Variants in CNTN5 observed in about 807,000 individuals in gnomAD.
CNTN5 encodes the protein contactin 5.
CNTN5 carries 77 observed loss-of-function variants against 129.1 expected under a neutral mutation model. That is an observed-to-expected ratio of 0.60 (90% CI 0.50 to 0.72). The LOEUF (loss-of-function observed/expected upper bound fraction) is 0.72. Among genes scored for constraint, CNTN5 ranks in the 30% least tolerant of loss-of-function variants. The pLI, the probability that CNTN5 is intolerant of heterozygous loss-of-function variation, is 0.00. For missense variants in CNTN5, 1,478 were observed against 1,328.8 expected (o/e 1.11, Z -1.75); for synonymous variants, 509 against 465.6 (o/e 1.09, Z -1.20).
chr11:99,452,894 A>G (rs868087879), intron 2 of CNTN5, among the ~76,000 whole-genome samples: 1 of 152,184 alleles, frequency 6.6e-6, no homozygotes, highest in Non-Finnish European at 1.5e-5. Context: ...ATATTTTCTC[A>G]TCTAATTCAT....
chr11:99,946,735 A>G (rs536230999), intron 7 of CNTN5, among the ~76,000 whole-genome samples: 1 of 152,004 alleles, frequency 6.6e-6, no homozygotes, highest in African/African-American at 2.4e-5. Flanking sequence ...CCACTCAATT[A>G]CTTTAAATAT....
Position 99,231,747 on chromosome 11 carries a change from G to A in CNTN5, c.-209-93599G>A, listed in dbSNP as rs115792681. Among the ~76,000 whole-genome samples, 408 of 152,202 alleles carry A rather than the reference G, an allele frequency of 2.7e-3. 2 individuals carry two copies. Among genetic ancestry groups the A allele is most frequent in the African/African-American group, 9.5e-3 (394 of 41,534 alleles). On this transcript the variant is annotated intron_variant, in intron 1 of 24. Coordinates refer to ENST00000524871, the MANE Select transcript of CNTN5 (RefSeq NM_014361.4). ...CTGTGCCTATGTCCTGATTAGTATT[G>A]CGTAGATTTTCTTCTAGGGTTTATA...
At chr11:100,232,800 G>T (rs1238104284) in intron 16 of CNTN5, among the ~76,000 whole-genome samples, 2 of 152,166 alleles carry the variant, frequency 1.3e-5, no homozygotes, top group African/African-American at 4.8e-5. Flanking sequence ...TGTTACCCAT[G>T]TATGAGCAGC....
rs907756409 is a variant in CNTN5 at position 100,104,144 on chromosome 11, G to C, written c.1580+29850G>C. Reference sequence around the variant, plus strand: ...GAGTCTTTCTCTGTCACCCAAGCTGGAATGCAGTAGTGAGATCTCCGCTCA... The same window carrying C: ...GAGTCTTTCTCTGTCACCCAAGCTGCAATGCAGTAGTGAGATCTCCGCTCA... On this transcript the variant is annotated intron_variant, in intron 13 of 24. Transcript: ENST00000524871. Among the ~76,000 whole-genome samples the C allele has an allele frequency of 4.7e-5, 7 of 149,400 alleles. No individual in the cohort carries two copies. The South Asian group carries it at 1.5e-3, about 31-fold the overall frequency.
At chr11:99,417,639 G>A (rs1942717753) in intron 2 of CNTN5, among the ~76,000 whole-genome samples, 1 of 152,004 alleles carries the variant, frequency 6.6e-6, no homozygotes, top group South Asian at 2.1e-4. Flanking sequence ...ATAAAAGGCT[G>A]AGTTGAAGAA....
At chr11:99,949,471 G>A (rs1438341573) in intron 7 of CNTN5, among the ~76,000 whole-genome samples, 1 of 152,080 alleles carries the variant, frequency 6.6e-6, no homozygotes, top group African/African-American at 2.4e-5. Flanking sequence ...GCAGGGATTT[G>A]GGGGCTTTAT....
intron 1 of CNTN5, among the ~76,000 whole-genome samples, chr11:99,215,545 A>G (rs933259512): frequency 4.6e-5 from 7 of 152,144 alleles, no homozygotes; most frequent in African/African-American, 1.7e-4. Flanking sequence ...GGTGCCATTT[A>G]TTGAGATGAG....
chr11:100,080,748 T>C (rs1944332121), intron 13 of CNTN5, among the ~76,000 whole-genome samples: 3 of 152,146 alleles, frequency 2.0e-5, no homozygotes, highest in Non-Finnish European at 4.4e-5. Flanking sequence ...ATATAAACTT[T>C]AAGTATCTGG....
intron 23 of CNTN5, among the ~76,000 whole-genome samples, chr11:100,343,092 C>T (rs1405598056): frequency 6.6e-6 from 1 of 152,020 alleles, no homozygotes; most frequent in Non-Finnish European, 1.5e-5. Flanking sequence ...TCATTAGGTA[C>T]AATTTTTAAA....
chr11:99,306,137 T>C (rs1447340780), intron 1 of CNTN5, among the ~76,000 whole-genome samples: 1 of 152,158 alleles, frequency 6.6e-6, no homozygotes, highest in Non-Finnish European at 1.5e-5. Context: ...ACTTAAGTAA[T>C]ATAGTGGAGA....
chr11:99,463,205 G>A (rs1416224874), intron 2 of CNTN5, among the ~76,000 whole-genome samples: 7 of 151,032 alleles, frequency 4.6e-5, no homozygotes, highest in Admixed American at 1.3e-4. Context: ...TTGGGAGGCC[G>A]AGGCGGGTAG....
intron 3 of CNTN5, among the ~76,000 whole-genome samples, chr11:99,614,083 T>C (rs956661493): frequency 2.0e-5 from 3 of 152,218 alleles, no homozygotes; most frequent in African/African-American, 7.2e-5. Context: ...TCATTTTCTG[T>C]CAGTCAAAAT....
intron 3 of CNTN5, among the ~76,000 whole-genome samples, chr11:99,733,900 G>T (rs1417038643): frequency 6.6e-6 from 1 of 152,296 alleles, no homozygotes; most frequent in East Asian, 1.9e-4. Flanking sequence ...TTTCCTAAGA[G>T]AGCCAGTTCA....
At chr11:99,443,113 TAAAC>T (rs1028734018) in intron 2 of CNTN5, among the ~76,000 whole-genome samples, 5 of 152,010 alleles carry the variant, frequency 3.3e-5, no homozygotes, top group African/African-American at 1.2e-4. Flanking sequence ...ATGAAAAAAA[TAAAC>T]AGACAAAGAT....
At chr11:99,172,449 T>C (rs1309175418) in intron 1 of CNTN5, among the ~76,000 whole-genome samples, 1 of 152,198 alleles carries the variant, frequency 6.6e-6, no homozygotes, top group African/African-American at 2.4e-5. Flanking sequence ...GATGAGAAAA[T>C]TGTGCCTAAT....
intron 3 of CNTN5, among the ~76,000 whole-genome samples, chr11:99,627,486 A>G (rs1445697499): frequency 6.6e-6 from 1 of 152,174 alleles, no homozygotes; most frequent in Non-Finnish European, 1.5e-5. Flanking sequence ...GCATTAAAAT[A>G]GTAAACCTCA....
intron 1 of CNTN5, among the ~76,000 whole-genome samples, chr11:99,189,123 A>T (rs900752424): frequency 6.6e-6 from 1 of 151,708 alleles, no homozygotes; most frequent in South Asian, 2.1e-4. Context: ...AACTTAAAAC[A>T]ATGTCCTCCC....
intron 6 of CNTN5, among the ~76,000 whole-genome samples, chr11:99,912,104 G>A (rs547369723): frequency 1.3e-5 from 2 of 151,916 alleles, no homozygotes; most frequent in African/African-American, 4.8e-5. Context: ...ACAATACAGG[G>A]ATGAAAAGAG....
intron 14 of CNTN5, among the ~76,000 whole-genome samples, chr11:100,193,227 A>AAT (rs1948544150): frequency 6.6e-6 from 1 of 151,876 alleles, no homozygotes; most frequent in African/African-American, 2.4e-5. Flanking sequence ...TGCTGCTTCT[A>AAT]ATTAGGTAGT....
Sources: allele counts gnomAD v4.1 joint callset (sites outside exome capture counted in the v4.1 genomes callset), GRCh38; gene constraint gnomAD v4.1.1; transcripts MANE v1.5; gene names NCBI Gene and HGNC (gene_info 2026-07-23, HGNC 2026-07-21).